The following KAT6A variants were observed in gnomAD, a reference collection of about 807,000 sequenced individuals.
KAT6A encodes the protein histone acetyltransferase KAT6A.
A neutral mutation model predicts 198.4 loss-of-function variants in KAT6A; 9 were observed. The observed-to-expected ratio is 0.05, with a 90% CI of 0.03 to 0.08. The LOEUF (loss-of-function observed/expected upper bound fraction) is 0.08, where lower values mean the gene tolerates loss of function less well. Ranked by LOEUF, KAT6A falls within the 10% of genes least tolerant of loss-of-function variation. The pLI is 1.00. For synonymous variants in KAT6A, 890 were observed against 883.0 expected, an observed-to-expected ratio of 1.01 and a Z score of -0.14; for missense variants, 2,077 against 2,509.9, an observed-to-expected ratio of 0.83 and a Z score of 3.69.
intron 2 of KAT6A, among the ~76,000 whole-genome samples, chr8:42,042,519 T>G (rs929600691): frequency 1.3e-5 from 2 of 151,876 alleles, no homozygotes; most frequent in Non-Finnish European, 1.5e-5. Context: ...CTGTCAAAGC[T>G]CTACTTCCTC....
At chr8:42,035,422 G>A (rs552125367) in intron 2 of KAT6A, among the ~76,000 whole-genome samples, 2 of 152,292 alleles carry the variant, frequency 1.3e-5, no homozygotes, top group Admixed American at 1.3e-4. Flanking sequence ...TATGAAATTA[G>A]AGTCATCAGT....
intron 8 of KAT6A, among the ~76,000 whole-genome samples, chr8:41,967,544 G>GTGT (rs1398773651): frequency 6.8e-6 from 1 of 148,036 alleles, no homozygotes; most frequent in Non-Finnish European, 1.5e-5. Context: ...AGAATATGCA[G>GTGT]TGTTTGGTTT....
intron 2 of KAT6A, among the ~76,000 whole-genome samples, chr8:42,031,040 G>C (rs1486025794): frequency 3.0e-5 from 4 of 131,216 alleles, no homozygotes; most frequent in Admixed American, 1.5e-4. Flanking sequence ...AAAAAAAAAG[G>C]GGGGGGGGAC....
chr8:42,047,442 G>C (rs935233947), intron 2 of KAT6A, among the ~76,000 whole-genome samples: 1 of 152,112 alleles, frequency 6.6e-6, no homozygotes, highest in Non-Finnish European at 1.5e-5. Flanking sequence ...TTTTAGAACA[G>C]GGTCTCAGTT....
chr8:41,963,671 A>G (rs1447074191), intron 8 of KAT6A, among the ~76,000 whole-genome samples: 1 of 152,230 alleles, frequency 6.6e-6, no homozygotes, highest in Non-Finnish European at 1.5e-5. Flanking sequence ...ATATCACCAG[A>G]CTTGAGTTTC....
intron 2 of KAT6A, among the ~76,000 whole-genome samples, chr8:42,027,331 A>AT (rs1826870366): frequency 6.6e-6 from 1 of 152,096 alleles, no homozygotes; most frequent in Non-Finnish European, 1.5e-5. Context: ...CTCCTCTTTA[A>AT]TTTTTTGGAA....
chr8:41,942,826 C>G lies in KAT6A; in HGVS notation c.2403G>C (p.Glu801Asp). The change falls in exon 14 of 17, where the codon GAG becomes GAC. Residue 801 changes from glutamate (E) to aspartate (D), a missense_variant. Coordinates refer to ENST00000265713, the MANE Select transcript of KAT6A (RefSeq NM_006766.5). ...CTAATTCTCTTTCCTGGCACTGTGG[C>G]TCTTCGTTTTCTCCTTCCTCAGCCT... ...EEEAEEGENEEPQCQERELEI... is the reference protein window; with the variant it reads ...EEEAEEGENEDPQCQERELEI... 6.2e-7 allele frequency: 1 copy of G among 1,614,096 alleles called. No individual in the cohort carries two copies. The highest frequency in any genetic ancestry group is 8.5e-7 in the Non-Finnish European group (1 of 1,180,000).
At chr8:41,981,999 T>TAATAGCAAAATAGTTC in intron 3 of KAT6A, 45 bp from the exon 4 acceptor site, 1 of 1,150,884 alleles carries the variant, frequency 8.7e-7, no homozygotes, top group Non-Finnish European at 1.3e-6. Context: ...TCAAGAACTA[T>TAATAGCAAAATAGTTC]TTTGCTATTA....
intron 2 of KAT6A, among the ~76,000 whole-genome samples, chr8:42,009,900 A>AC (rs1372756195): frequency 0.01 from 1,435 of 143,356 alleles, 13 homozygotes; most frequent in Non-Finnish European, 0.016. Flanking sequence ...GTCTCAAAAA[A>AC]AAAAAAAAAA....
In KAT6A at chr8:41,933,861, A is replaced by G; in HGVS notation, c.4359T>C (p.Cys1453=). 1 of 1,614,124 alleles carries G rather than the reference A, an allele frequency of 6.2e-7. No individual in the cohort carries two copies. The highest frequency in any genetic ancestry group is 1.3e-5 in the African/African-American group (1 of 75,032). Residue 1453 remains cysteine, a synonymous_variant, in exon 17 of 17, where the codon TGT becomes TGC. Transcript: ENST00000265713. The surrounding 1 kb of genome is among the most constrained non-coding windows in gnomAD (Gnocchi z 6.2). Reference sequence around the variant, plus strand: ...CCTGGGTGTAACTCTGCAGGGTCTGACACGCCGCAAGAGTTTCCTCACAGT... The same window carrying G: ...CCTGGGTGTAACTCTGCAGGGTCTGGCACGCCGCAAGAGTTTCCTCACAGT... ...YQDCEETLAA[C]QTLQSYTQAD... is the part of the protein sequence containing the mutation.
intron 7 of KAT6A, among the ~76,000 whole-genome samples, chr8:41,976,583 T>C (rs1044679835): frequency 1.3e-5 from 2 of 152,056 alleles, no homozygotes; most frequent in Non-Finnish European, 1.5e-5. Flanking sequence ...TGCAAATATT[T>C]TGGTCTTTTT....
At chr8:42,013,907 G>A (rs1826138661) in intron 2 of KAT6A, among the ~76,000 whole-genome samples, 1 of 152,150 alleles carries the variant, frequency 6.6e-6, no homozygotes, top group Non-Finnish European at 1.5e-5. Context: ...AGACCAGACA[G>A]TAAATATATT....
chr8:41,937,212 T>TCTGAAGACAATAAA (rs760223843), intron 16 of KAT6A, 44 bp downstream of exon 16: 37 of 1,485,812 alleles, frequency 2.5e-5, no homozygotes, highest in Non-Finnish European at 3.2e-5. Context: ...CTGCTATATA[T>TCTGAAGACAATAAA]CTGAAGACAA....
intron 15 of KAT6A, among the ~76,000 whole-genome samples, chr8:41,939,104 G>A (rs915055185): frequency 6.6e-6 from 1 of 152,078 alleles, no homozygotes; most frequent in Non-Finnish European, 1.5e-5. Flanking sequence ...GTAAATATCT[G>A]GGCCAATAAT....
chr8:41,936,794 C>T (rs1821876143), intron 16 of KAT6A, among the ~76,000 whole-genome samples: 1 of 152,236 alleles, frequency 6.6e-6, no homozygotes. Context: ...CATGAATCTG[C>T]TCTTTCTGGA....
At chr8:41,984,110 G>A (rs1383919485) in intron 3 of KAT6A, among the ~76,000 whole-genome samples, 1 of 152,136 alleles carries the variant, frequency 6.6e-6, no homozygotes, top group Non-Finnish European at 1.5e-5. Flanking sequence ...ATCCAGCTAT[G>A]CCCATGCTGT....
At chr8:42,036,845 T>C (rs535876573) in intron 2 of KAT6A, among the ~76,000 whole-genome samples, 4 of 152,202 alleles carry the variant, frequency 2.6e-5, no homozygotes, top group African/African-American at 9.7e-5. Context: ...AGAGTAGTTA[T>C]AGCCAGGGAG....
chr8:41,998,488 C>T (rs1410527934), intron 2 of KAT6A, among the ~76,000 whole-genome samples: 1 of 152,078 alleles, frequency 6.6e-6, no homozygotes, highest in East Asian at 1.9e-4. Flanking sequence ...TGAACTCATG[C>T]TCTGACCAAA....
chr8:41,942,774 A>G lies in KAT6A; in HGVS notation c.2436+19T>C. 1 of 1,610,654 alleles carries G rather than the reference A, an allele frequency of 6.2e-7. No individual in the cohort carries two copies. Among genetic ancestry groups the G allele is most frequent in the Non-Finnish European group, 8.5e-7 (1 of 1,178,572 alleles). On this transcript the variant is annotated intron_variant, in intron 14 of 16. Coordinates refer to ENST00000265713, the MANE Select transcript of KAT6A (RefSeq NM_006766.5). ...ATATATCTTCTGTCATCAAAAATAG[A>G]GACTATTCATGCCCTTACACTGATC...
Sources: allele counts gnomAD v4.1 joint callset (sites outside exome capture counted in the v4.1 genomes callset), GRCh38; gene constraint gnomAD v4.1.1; non-coding constraint Gnocchi (gnomAD v3.1); transcripts MANE v1.5; gene names NCBI Gene and HGNC (gene_info 2026-07-23, HGNC 2026-07-21).